DAB1: variants seen among roughly 807,000 people sequenced by gnomAD.
DAB1 encodes disabled homolog 1.
DAB1 carries 15 observed loss-of-function variants against 64.6 expected under a neutral mutation model. The observed-to-expected ratio is 0.23, with a 90% confidence interval of 0.16 to 0.36. The LOEUF (loss-of-function observed/expected upper bound fraction) is 0.36. DAB1 is among the 10% of genes least tolerant of loss of function. DAB1 has a pLI of 1.00. For synonymous variants in DAB1, 235 were observed against 251.9 expected, an observed-to-expected ratio of 0.93 and a Z score of 0.64; for missense variants, 596 against 706.7, an observed-to-expected ratio of 0.84 and a Z score of 1.78.
At chr1:58,540,242 CA>C (rs1646585770) in intron 1 of DAB1, among the ~76,000 whole-genome samples, 1 of 150,850 alleles carries the variant, frequency 6.6e-6, no homozygotes, top group Non-Finnish European at 1.5e-5. Flanking sequence ...AAGCAACCCC[CA>C]AAAAGATTAA....
chr1:57,790,411 C>A (rs1246065889), intron 6 of DAB1, among the ~76,000 whole-genome samples: 1 of 152,124 alleles, frequency 6.6e-6, no homozygotes, highest in East Asian at 1.9e-4. Flanking sequence ...TGAGGCTTCC[C>A]CAGCCCTGCA....
At chr1:57,796,521 C>T (rs1198369118) in intron 6 of DAB1, among the ~76,000 whole-genome samples, 1 of 149,426 alleles carries the variant, frequency 6.7e-6, no homozygotes, top group African/African-American at 2.5e-5. Context: ...AGCAAAACTC[C>T]GTCTCAATAA....
intron 2 of DAB1, among the ~76,000 whole-genome samples, chr1:58,515,154 C>A (rs932570382): frequency 1.3e-5 from 2 of 152,196 alleles, no homozygotes; most frequent in Admixed American, 1.3e-4. Context: ...TATTTTGTAA[C>A]CCACTTATTC....
intron 4 of DAB1, among the ~76,000 whole-genome samples, chr1:57,117,533 G>C (rs989596392): frequency 6.6e-6 from 1 of 152,096 alleles, no homozygotes; most frequent in Admixed American, 6.5e-5. Flanking sequence ...CATTTTTGAG[G>C]CAACTAGCAG....
intron 7 of DAB1, among the ~76,000 whole-genome samples, chr1:57,568,224 T>G (rs1416291297): frequency 1.3e-5 from 2 of 152,234 alleles, no homozygotes; most frequent in Non-Finnish European, 2.9e-5. Context: ...GCTAGCCATA[T>G]GCAGAAAGCT....
chr1:57,583,350 G>A (rs987303980), intron 7 of DAB1, among the ~76,000 whole-genome samples: 3 of 148,730 alleles, frequency 2.0e-5, no homozygotes, highest in East Asian at 2.0e-4. Context: ...GCAGTGGTGC[G>A]ATCTCAGCTC....
At chr1:57,951,904 A>C (rs1449426696) in intron 5 of DAB1, among the ~76,000 whole-genome samples, 4 of 152,204 alleles carry the variant, frequency 2.6e-5, no homozygotes, top group African/African-American at 9.7e-5. Context: ...AGGAAAACTT[A>C]AAAGAGTGAG....
At chr1:57,744,282 G>T (rs955550282) in intron 6 of DAB1, among the ~76,000 whole-genome samples, 1 of 152,180 alleles carries the variant, frequency 6.6e-6, no homozygotes, top group African/African-American at 2.4e-5. Flanking sequence ...GATACCTCTG[G>T]TGAGCAGAGA....
chr1:57,103,483 G>A (rs1411809973), intron 4 of DAB1, among the ~76,000 whole-genome samples: 3 of 152,132 alleles, frequency 2.0e-5, no homozygotes, highest in Non-Finnish European at 4.4e-5. Flanking sequence ...TGGACGTGAC[G>A]TTTAAATGAG....
At chr1:57,789,132 AC>A (rs1650472004) in intron 6 of DAB1, among the ~76,000 whole-genome samples, 1 of 152,030 alleles carries the variant, frequency 6.6e-6, no homozygotes. Flanking sequence ...CTGAACCACA[AC>A]CTGCCCCCAG....
At chr1:58,068,029 C>T (rs1042580093) in intron 5 of DAB1, among the ~76,000 whole-genome samples, 1 of 152,150 alleles carries the variant, frequency 6.6e-6, no homozygotes, top group South Asian at 2.1e-4. Context: ...GATGAGAGGA[C>T]AGGAATACAG....
chr1:57,519,597 G>A (rs546430171), intron 7 of DAB1, among the ~76,000 whole-genome samples: 32 of 152,250 alleles, frequency 2.1e-4, no homozygotes, highest in African/African-American at 7.5e-4. Context: ...GTGGGGTACA[G>A]GGTGCCCCTA....
intron 7 of DAB1, among the ~76,000 whole-genome samples, chr1:57,443,454 C>T (rs1686026888): frequency 6.6e-6 from 1 of 152,174 alleles, no homozygotes; most frequent in African/African-American, 2.4e-5. Flanking sequence ...GGATGTTTTT[C>T]CTTATGCCTC....
chr1:58,495,579 A>G (rs1891435), intron 3 of DAB1, among the ~76,000 whole-genome samples: 17,588 of 134,902 alleles, frequency 0.13, 1,211 homozygotes, highest in Middle Eastern at 0.2. Context: ...ATTTAAACAA[A>G]CAAAACTGTA....
chr1:57,486,205 G>A (rs1644090011), intron 7 of DAB1, among the ~76,000 whole-genome samples: 2 of 152,182 alleles, frequency 1.3e-5, no homozygotes, highest in Non-Finnish European at 2.9e-5. Flanking sequence ...ACAAACATTT[G>A]ATTAACACTC....
chr1:57,078,469 T>C (rs1652190344), intron 4 of DAB1, among the ~76,000 whole-genome samples: 1 of 152,168 alleles, frequency 6.6e-6, no homozygotes. Context: ...TTGATTCATA[T>C]AACATATATG....
chr1:57,075,968 A>G (rs1018358785), intron 4 of DAB1, among the ~76,000 whole-genome samples: 1 of 152,208 alleles, frequency 6.6e-6, no homozygotes, highest in Admixed American at 6.5e-5. Context: ...TTCTGGATTC[A>G]GGCAGGTATC....
At chr1:58,492,283 A>G (rs575703225) in intron 3 of DAB1, among the ~76,000 whole-genome samples, 30 of 152,322 alleles carry the variant, frequency 2.0e-4, no homozygotes, top group African/African-American at 7.2e-4. Flanking sequence ...AGGGAAATTT[A>G]TAGCACTAAA....
chr1:57,593,330 C>G (rs570677226), intron 7 of DAB1, among the ~76,000 whole-genome samples: 1 of 152,074 alleles, frequency 6.6e-6, no homozygotes, highest in South Asian at 2.1e-4. Flanking sequence ...AGAAAGTGTC[C>G]GAATTTTTTT....
Sources: gnomAD v4.1 joint callset for allele counts (sites outside exome capture counted in the v4.1 genomes callset) on GRCh38, gnomAD v4.1.1 for gene constraint, MANE v1.5 for transcripts, NCBI Gene and HGNC (gene_info 2026-07-23, HGNC 2026-07-21) for gene names.